The following CROT variants were observed in gnomAD, a reference collection of about 807,000 sequenced individuals.
CROT encodes the protein peroxisomal carnitine O-octanoyltransferase.
A neutral mutation model predicts 89.2 loss-of-function variants in CROT; 84 were observed. That is an observed-to-expected ratio of 0.94 (90% CI 0.79 to 1.13). The LOEUF is 1.13. Among genes scored for constraint, CROT ranks in the 50% most tolerant of loss-of-function variants. The pLI, the probability that CROT is intolerant of heterozygous loss-of-function variation, is 0.00. For missense variants in CROT, 711 were observed against 727.8 expected (o/e 0.98, Z 0.27); for synonymous variants, 212 against 239.5 (o/e 0.89, Z 1.06).
At chr7:87,380,886 G>A (rs1384379789) in intron 10 of CROT, among the ~76,000 whole-genome samples, 1 of 152,216 alleles carries the variant, frequency 6.6e-6, no homozygotes. Flanking sequence ...GTTAGAAAAT[G>A]GGTTTGTCAG....
In CROT at chr7:87,398,648, T is replaced by C; in HGVS notation, c.*4T>C. Reference sequence around the variant, plus strand: ...GATGAACTCTACTCATCTTTAGAGATGAATCATCTATTAAGCACTTACCAA... The same window carrying C: ...GATGAACTCTACTCATCTTTAGAGACGAATCATCTATTAAGCACTTACCAA... On this transcript the variant is annotated 3_prime_UTR_variant, in exon 18 of 18. Coordinates refer to ENST00000331536, the MANE Select transcript of CROT (RefSeq NM_021151.4). The C allele has an allele frequency of 6.2e-7, 1 of 1,612,562 alleles. No homozygotes were observed.
chr7:87,397,754 T>C (rs1371216450), intron 17 of CROT, among the ~76,000 whole-genome samples: 2 of 152,250 alleles, frequency 1.3e-5, no homozygotes, highest in South Asian at 2.1e-4. Context: ...GTTCTTATTT[T>C]TATTTCTCTT....
intron 17 of CROT, among the ~76,000 whole-genome samples, chr7:87,398,088 A>G (rs1318877621): frequency 2.2e-5 from 3 of 136,670 alleles, no homozygotes; most frequent in East Asian, 2.1e-4. Context: ...TTTCTCACCT[A>G]TCATCCTTCT....
At chr7:87,357,368 G>A in intron 3 of CROT, 2 of 1,089,624 alleles carry the variant, frequency 1.8e-6, no homozygotes, top group South Asian at 2.8e-5. Flanking sequence ...TTATACCCTA[G>A]AGACTCTAAC....
rs1805643960 is a variant in CROT, at chr7:87,345,796, C to T, written c.-113+29C>T. On this transcript the variant is annotated intron_variant, in intron 1 of 17. Transcript: ENST00000331536. ...CGTTGAAGCAGCATTCCCTCCCTCC[C>T]CTAATCCTTCAACTCGGGGGCGGGG... 4 of 247,562 alleles carry T rather than the reference C, an allele frequency of 1.6e-5. No individual in the cohort carries two copies. In the Admixed American group the frequency reaches 2.2e-4, roughly 14 times the overall value. 15.3% of individuals were successfully genotyped at this position (247,562 alleles called of 1,614,324 possible). A position where few individuals can be genotyped will look rare whatever the true frequency, so the allele number is the denominator to read the frequency against.
chr7:87,385,601 G>GTAT (rs1807161417), intron 13 of CROT, among the ~76,000 whole-genome samples: 2 of 152,056 alleles, frequency 1.3e-5, no homozygotes, highest in Non-Finnish European at 2.9e-5. Flanking sequence ...GGTGTCTTAA[G>GTAT]TATTAGATCA....
chr7:87,391,756 G>T, intron 14 of CROT, 44 bp downstream of exon 14: 1 of 1,581,580 alleles, frequency 6.3e-7, no homozygotes, highest in Non-Finnish European at 8.6e-7. Context: ...TTGTTTAATT[G>T]TTCTAAAGGA....
At chr7:87,359,698 A>T in intron 4 of CROT, 1 of 1,030,424 alleles carries the variant, frequency 9.7e-7, no homozygotes, top group Non-Finnish European at 1.2e-6. Flanking sequence ...TAGACATGTC[A>T]CATAGGTGGC....
At chr7:87,382,911 C>T (rs545844638) in intron 13 of CROT, among the ~76,000 whole-genome samples, 4 of 152,198 alleles carry the variant, frequency 2.6e-5, no homozygotes, top group African/African-American at 4.8e-5. Flanking sequence ...AGAATAGGAG[C>T]GACATTAATT....
At position 87,375,661 on chromosome 7, in the gene CROT, A is replaced by G. The variant is rs146451977; in HGVS notation, c.686A>G (p.His229Arg). 8.7e-5 allele frequency: 140 copies of G among 1,613,494 alleles called. No individual in the cohort carries two copies. The African/African-American group carries it at 1.2e-3, about 14-fold the overall frequency. Residue 229 changes from histidine to arginine, a missense_variant, in exon 8 of 18, where the codon CAT becomes CGT. Physicochemically the swap from His to Arg is conservative, Grantham distance 29. Transcript: ENST00000331536. ...RQLTYIHKKC[H>R]SEPDGPGIAA... ...CTGACATATATCCACAAGAAGTGCC[A>G]TAGTGAACCTGATGGACCTGGGATT...
chr7:87,350,269 T>C (rs1805825914), intron 3 of CROT, among the ~76,000 whole-genome samples: 1 of 152,164 alleles, frequency 6.6e-6, no homozygotes, highest in Non-Finnish European at 1.5e-5. Flanking sequence ...TATTCAGTTT[T>C]GTTCAAGACA....
At chr7:87,354,518 AG>A in intron 3 of CROT, 3 of 429,654 alleles carry the variant, frequency 7.0e-6, no homozygotes, top group Non-Finnish European at 1.4e-5. Flanking sequence ...AAAAGCCAAA[AG>A]TACAGAATCA....
At position 87,359,323 on chromosome 7, in the gene CROT, G is replaced by T. The variant is rs957533383; in HGVS notation, c.233G>T (p.Arg78Ile). The T allele has an allele frequency of 6.9e-6, 11 of 1,597,236 alleles. No homozygotes were observed. Among genetic ancestry groups the T allele is most frequent in the African/African-American group, 1.3e-5 (1 of 74,448 alleles). Residue 78 changes from arginine to isoleucine, a missense_variant, in exon 4 of 18, where the codon AGA (arginine) becomes ATA (isoleucine). Arg to Ile is a moderately conservative substitution (Grantham distance 97). Transcript: ENST00000331536. ...TTGCTTGAAAGAGCAAAAGGAAAAA[G>T]AAATTGGGTATTTGTTGTTATAATT... ...QKLLERAKGK[R>I]NWLEEWWLNV...
intron 17 of CROT, 142 bp downstream of exon 17, chr7:87,393,209 C>T (rs1430790430): frequency 1.2e-6 from 1 of 864,536 alleles, no homozygotes; most frequent in Non-Finnish European, 1.8e-6. Context: ...TCCACTTAGG[C>T]ATTTAATGCA....
At chr7:87,377,300 C>T (rs1464493646) in intron 9 of CROT, 49 bp from the exon 10 acceptor site, 5 of 1,171,020 alleles carry the variant, frequency 4.3e-6, no homozygotes, top group Admixed American at 2.1e-5. Flanking sequence ...TAAATTCTTA[C>T]AAACCAATAT....
At chr7:87,380,856 C>T (rs1269236505) in intron 10 of CROT, among the ~76,000 whole-genome samples, 1 of 152,152 alleles carries the variant, frequency 6.6e-6, no homozygotes, top group African/African-American at 2.4e-5. Flanking sequence ...TTGTAAAGTA[C>T]CACACAGTTG....
chr7:87,372,825 A>T (rs112131523), intron 7 of CROT, among the ~76,000 whole-genome samples: 1 of 152,078 alleles, frequency 6.6e-6, no homozygotes. Flanking sequence ...TATTTTACAG[A>T]TATGCCACAT....
intron 17 of CROT, among the ~76,000 whole-genome samples, chr7:87,395,327 C>T (rs1807491572): frequency 6.6e-6 from 1 of 152,144 alleles, no homozygotes; most frequent in South Asian, 2.1e-4. Flanking sequence ...TGGTGCCCTC[C>T]CAGATTAACG....
At chr7:87,389,213 G>T (rs1807278579) in intron 13 of CROT, among the ~76,000 whole-genome samples, 3 of 152,154 alleles carry the variant, frequency 2.0e-5, no homozygotes. Context: ...AAGACAGTGT[G>T]GCGATTCCTC....
Sources: allele counts gnomAD v4.1 joint callset (sites outside exome capture counted in the v4.1 genomes callset), GRCh38; gene constraint gnomAD v4.1.1; transcripts MANE v1.5; gene names NCBI Gene and HGNC (gene_info 2026-07-23, HGNC 2026-07-21).